The following CAMTA1 variants were observed in gnomAD, a reference collection of about 807,000 sequenced individuals.
The protein encoded by CAMTA1 is calmodulin binding transcription activator 1.
In CAMTA1, 27 loss-of-function variants were observed where a neutral mutation model predicts 170.9. That is an observed-to-expected ratio of 0.16 (90% CI 0.12 to 0.22). CAMTA1 has a LOEUF of 0.22. CAMTA1 is among the 10% of genes least tolerant of loss of function. The probability of loss-of-function intolerance (pLI) is 1.00; values close to 1 mark genes in which losing one functional copy is unlikely to be tolerated. For synonymous variants in CAMTA1, 833 were observed against 891.5 expected (o/e 0.93, Z 1.17); for missense variants, 1,619 against 2,217.2 (o/e 0.73, Z 5.42).
rs747972657 is a variant in CAMTA1, at chr1:7,766,567, T to A, written c.*76T>A. ...TTCATTTCTGTTTTTAGCAGAGACA[T>A]GCAACAACAACACACACGCACACAC... On this transcript the variant is annotated 3_prime_UTR_variant, in exon 23 of 23. Transcript: ENST00000303635. The A allele has an allele frequency of 9.8e-6, 13 of 1,329,488 alleles. No individual in the cohort carries two copies. In the East Asian group the frequency reaches 2.8e-4, roughly 28 times the overall value. The allele number at this position is 1,329,488 out of a possible 1,614,324, so 82.4% of individuals were successfully genotyped here. A position where few individuals can be genotyped will look rare whatever the true frequency, so the allele number is the denominator to read the frequency against.
intron 4 of CAMTA1, among the ~76,000 whole-genome samples, chr1:7,167,847 C>T (rs1648797380): frequency 1.3e-5 from 2 of 152,118 alleles, no homozygotes; most frequent in South Asian, 2.1e-4. Flanking sequence ...TTCCTAGCCT[C>T]AAGTGATCCT....
intron 5 of CAMTA1, among the ~76,000 whole-genome samples, chr1:7,269,341 A>G (rs1249330298): frequency 6.6e-6 from 1 of 152,262 alleles, no homozygotes; most frequent in Non-Finnish European, 1.5e-5. Flanking sequence ...GACCTCCAAT[A>G]TGGCAGGTTG....
rs146880714 is a variant in CAMTA1 at position 6,887,527 on chromosome 1, A to T, written c.234+62317A>T. ...ATACGTATGTGTGTGTTTAATATAT[A>T]CTTTAGTTTGCCTTTACCCAGATGT... On this transcript the variant is annotated intron_variant, in intron 3 of 22. Coordinates refer to ENST00000303635, the MANE Select transcript of CAMTA1 (RefSeq NM_015215.4). The surrounding 1 kb of genome is among the most constrained non-coding windows in gnomAD (Gnocchi z 4.1). The T allele has an allele frequency of 8.3e-4, 1,155 of 1,389,206 alleles. 7 individuals are homozygous for T. In the African/African-American group the frequency reaches 0.011, roughly 13 times the overall value. The allele number at this position is 1,389,206 out of a possible 1,614,324, so 86.1% of individuals were successfully genotyped here.
In CAMTA1 at chr1:7,652,905, C is replaced by T. The variant is rs142855787; in HGVS notation, c.665-8821C>T. ...CACCCCCTACGCACCTGCTGTGTGA[C>T]CTTGGGCAAGTTACATAACTTCTCT... On this transcript the variant is annotated intron_variant, in intron 7 of 22. Coordinates refer to ENST00000303635, the MANE Select transcript of CAMTA1 (RefSeq NM_015215.4). Among the ~76,000 whole-genome samples the T allele has an allele frequency of 7.2e-4, 110 of 152,282 alleles. 1 individual carries two copies. The highest frequency in any genetic ancestry group is 2.5e-3 in the African/African-American group (104 of 41,542).
At chr1:7,009,235 T>G (rs1299618229) in intron 3 of CAMTA1, among the ~76,000 whole-genome samples, 1 of 151,854 alleles carries the variant, frequency 6.6e-6, no homozygotes, top group East Asian at 1.9e-4. Flanking sequence ...TGTGGCAGAG[T>G]TGTGAGTGCT....
chr1:7,268,524 A>C (rs1669248503), intron 5 of CAMTA1, among the ~76,000 whole-genome samples: 1 of 152,200 alleles, frequency 6.6e-6, no homozygotes, highest in Non-Finnish European at 1.5e-5. Context: ...AGAGATGCTA[A>C]TGAACACCTG....
At chr1:7,505,406 CTGGG>C (rs2094087883) in intron 6 of CAMTA1, among the ~76,000 whole-genome samples, 1 of 152,180 alleles carries the variant, frequency 6.6e-6, no homozygotes, top group South Asian at 2.1e-4. Context: ...AAAAACAGTC[CTGGG>C]CGGCCCAGGA....
At chr1:7,419,873 G>A (rs750906546) in intron 5 of CAMTA1, among the ~76,000 whole-genome samples, 6 of 152,038 alleles carry the variant, frequency 3.9e-5, no homozygotes, top group Admixed American at 6.5e-5. Context: ...GATCCTGCGG[G>A]CTCTTCCTTC....
chr1:7,241,973 C>T (rs1326988262), intron 4 of CAMTA1, among the ~76,000 whole-genome samples: 1 of 149,348 alleles, frequency 6.7e-6, no homozygotes, highest in African/African-American at 2.5e-5. Flanking sequence ...AAAATTTTTA[C>T]TCTTTTAAAG....
rs1007724871 is a variant in CAMTA1, at chr1:7,681,256, T to C, written c.2914+3523T>C. Among the ~76,000 whole-genome samples the C allele has an allele frequency of 2.0e-5, 3 of 152,098 alleles. No individual in the cohort carries two copies. The highest frequency in any genetic ancestry group is 7.2e-5 in the African/African-American group (3 of 41,416). On this transcript the variant is annotated intron_variant, in intron 11 of 22. Transcript: ENST00000303635. This position sits in a 1 kb window ranked among gnomAD's most constrained non-coding sequence, Gnocchi z 4.6. ...TGGGCTGCAGTACATATTTGTGATA[T>C]GAATGCAGGCACACGTGAATGAGTG...
At chr1:6,830,694 A>T (rs1348016246) in intron 3 of CAMTA1, among the ~76,000 whole-genome samples, 7 of 152,156 alleles carry the variant, frequency 4.6e-5, no homozygotes, top group African/African-American at 1.7e-4. Flanking sequence ...AACTGCACCC[A>T]TTTGAAGTGC....
intron 3 of CAMTA1, among the ~76,000 whole-genome samples, chr1:6,916,679 C>T (rs1680881007): frequency 6.6e-6 from 1 of 152,224 alleles, no homozygotes; most frequent in African/African-American, 2.4e-5. Context: ...GCTCCCTAGG[C>T]ATCCAGAGAT....
At chr1:7,324,401 A>T (rs1292451228) in intron 5 of CAMTA1, among the ~76,000 whole-genome samples, 1 of 152,190 alleles carries the variant, frequency 6.6e-6, no homozygotes, top group East Asian at 1.9e-4. Flanking sequence ...TCTTAAAAAA[A>T]ATCCAGGCTA....
chr1:7,576,192 TAG>T (rs1020218641), intron 6 of CAMTA1, among the ~76,000 whole-genome samples: 1 of 152,114 alleles, frequency 6.6e-6, no homozygotes, highest in Non-Finnish European at 1.5e-5. Context: ...GTATTTTTAG[TAG>T]AGACGGGGTT....
At chr1:6,907,523 G>T (rs1474792724) in intron 3 of CAMTA1, among the ~76,000 whole-genome samples, 2 of 152,180 alleles carry the variant, frequency 1.3e-5, no homozygotes, top group Non-Finnish European at 2.9e-5. Context: ...AAGAATTCTG[G>T]CTTGTCCAGA....
At chr1:7,688,781 G>C (rs1312810634) in intron 11 of CAMTA1, among the ~76,000 whole-genome samples, 1 of 152,148 alleles carries the variant, frequency 6.6e-6, no homozygotes, top group Non-Finnish European at 1.5e-5. Context: ...CAGCAACCTT[G>C]TCCCCCACAT....
intron 9 of CAMTA1, among the ~76,000 whole-genome samples, chr1:7,666,741 G>A (rs2096004883): frequency 6.6e-6 from 1 of 152,120 alleles, no homozygotes; most frequent in Non-Finnish European, 1.5e-5. Context: ...TTCCCCGCTG[G>A]CAAAGCTAAG....
At chr1:7,375,581 T>C (rs1047200971) in intron 5 of CAMTA1, among the ~76,000 whole-genome samples, 1 of 152,082 alleles carries the variant, frequency 6.6e-6, no homozygotes, top group African/African-American at 2.4e-5. Context: ...GGAGTTGAGG[T>C]GTTCAGCCAT....
intron 3 of CAMTA1, among the ~76,000 whole-genome samples, chr1:6,938,759 T>C (rs1162721971): frequency 6.6e-6 from 1 of 152,186 alleles, no homozygotes; most frequent in African/African-American, 2.4e-5. Flanking sequence ...TCTGGCTCCC[T>C]GTGGCCCATC....
Sources: allele counts gnomAD v4.1 joint callset (sites outside exome capture counted in the v4.1 genomes callset), GRCh38; gene constraint gnomAD v4.1.1; non-coding constraint Gnocchi (gnomAD v3.1); transcripts MANE v1.5; gene names NCBI Gene and HGNC (gene_info 2026-07-23, HGNC 2026-07-21).